IRF2: variants seen among roughly 807,000 people sequenced by gnomAD.
IRF2 encodes interferon regulatory factor 2.
A neutral mutation model predicts 40.6 loss-of-function variants in IRF2; 15 were observed. The ratio of observed to expected loss-of-function variants is 0.37; its 90% CI spans 0.25 to 0.57. The LOEUF (loss-of-function observed/expected upper bound fraction) is 0.57. Ranked by LOEUF, IRF2 falls within the 20% of genes least tolerant of loss-of-function variation. The probability of loss-of-function intolerance (pLI) is 0.77; values close to 1 mark genes in which losing one functional copy is unlikely to be tolerated. For missense variants in IRF2, 317 were observed against 455.7 expected (o/e 0.70, Z 2.77); for synonymous variants, 151 against 165.5 (o/e 0.91, Z 0.67).
chr4:184,442,496 C>A (rs748183791), intron 1 of IRF2, among the ~76,000 whole-genome samples: 9 of 152,162 alleles, frequency 5.9e-5, no homozygotes, highest in African/African-American at 2.2e-4. Flanking sequence ...GTGTGCCCTG[C>A]CCAGCCCATA....
At chr4:184,404,591 AT>A (rs1472244253) in intron 6 of IRF2, among the ~76,000 whole-genome samples, 1 of 152,170 alleles carries the variant, frequency 6.6e-6, no homozygotes, top group Non-Finnish European at 1.5e-5. Flanking sequence ...ATTTCAAAAG[AT>A]TAAGGAGTTT....
intron 6 of IRF2, 50 bp from the exon 7 acceptor site, chr4:184,399,129 T>C (rs1736577348): frequency 6.6e-7 from 1 of 1,515,914 alleles, no homozygotes; most frequent in Non-Finnish European, 8.8e-7. Context: ...CTCACAATTC[T>C]AGCACACTTT....
intron 7 of IRF2, among the ~76,000 whole-genome samples, chr4:184,394,634 T>C (rs1736379783): frequency 6.6e-6 from 1 of 152,138 alleles, no homozygotes; most frequent in Non-Finnish European, 1.5e-5. Context: ...GCAGGCGATC[T>C]CCACTCTCTC....
chr4:184,469,663 A>C (rs1739450766), intron 1 of IRF2, among the ~76,000 whole-genome samples: 1 of 152,216 alleles, frequency 6.6e-6, no homozygotes, highest in Non-Finnish European at 1.5e-5. Flanking sequence ...GGACAGAGTG[A>C]GACTTTGACT....
rs1031863127 is a variant in IRF2 at position 184,408,862 on chromosome 4, C to T, written c.412-587G>A. 6.6e-6 allele frequency among the ~76,000 whole-genome samples: 1 copy of T among 152,232 alleles called. No homozygotes were observed. Among genetic ancestry groups the T allele is most frequent in the Non-Finnish European group, 1.5e-5 (1 of 68,040 alleles). Reference sequence around the variant, plus strand: ...CCTGGCCTGAGTCCAGCCGGGCAACCCCACACCATGGGCTTTACATAAATG... The same window carrying T: ...CCTGGCCTGAGTCCAGCCGGGCAACTCCACACCATGGGCTTTACATAAATG... On this transcript the variant is annotated intron_variant, in intron 5 of 8. Coordinates refer to ENST00000393593, the MANE Select transcript of IRF2 (RefSeq NM_002199.4). This position sits in a 1 kb window ranked among gnomAD's most constrained non-coding sequence, Gnocchi z 4.9.
intron 5 of IRF2, among the ~76,000 whole-genome samples, chr4:184,411,576 ACGGAGCCAGCACCTCC>A (rs144504847): frequency 0.11 from 16,130 of 152,132 alleles, 1,050 homozygotes; most frequent in South Asian, 0.15. Flanking sequence ...GCACAGTAAA[ACGGAGCCAGCACCTCC>A]CGAAACACCT....
intron 1 of IRF2, among the ~76,000 whole-genome samples, chr4:184,447,166 GA>G (rs1196131995): frequency 6.6e-6 from 1 of 152,066 alleles, no homozygotes; most frequent in Non-Finnish European, 1.5e-5. Flanking sequence ...CTGGGGCAGG[GA>G]AAGCAAAAGA....
At chr4:184,396,532 C>G (rs1251773824) in intron 7 of IRF2, among the ~76,000 whole-genome samples, 1 of 151,466 alleles carries the variant, frequency 6.6e-6, no homozygotes, top group African/African-American at 2.4e-5. Flanking sequence ...CTCCTGGGCT[C>G]AAGGGGATGC....
chr4:184,465,715 G>T (rs1561131263), intron 1 of IRF2, among the ~76,000 whole-genome samples: 2 of 152,156 alleles, frequency 1.3e-5, no homozygotes, highest in Non-Finnish European at 2.9e-5. Flanking sequence ...GTCTGGATGT[G>T]CCGTAATTCG....
chr4:184,408,508 C>T lies in IRF2; in HGVS notation c.412-233G>A, dbSNP rs1055275735. On this transcript the variant is annotated intron_variant, in intron 5 of 8. Transcript: ENST00000393593. This position sits in a 1 kb window ranked among gnomAD's most constrained non-coding sequence, Gnocchi z 4.9. ...TTTTCCTTCAAGGAAACGGTACCGG[C>T]CCATCTGGCTTGCCTTTAGGAAATG... is the stretch of plus-strand genomic sequence containing the variant. Among the ~76,000 whole-genome samples the T allele has an allele frequency of 2.0e-5, 3 of 152,166 alleles. No homozygotes were observed. The highest frequency in any genetic ancestry group is 4.8e-5 in the African/African-American group (2 of 41,432).
chr4:184,473,890 G>A, intron 1 of IRF2: 1 of 151,324 alleles, frequency 6.6e-6, no homozygotes, highest in Non-Finnish European at 1.5e-5. Context: ...GGCGGTGGCT[G>A]CACACACACA....
At chr4:184,467,434 T>G (rs1385107926) in intron 1 of IRF2, among the ~76,000 whole-genome samples, 1 of 152,206 alleles carries the variant, frequency 6.6e-6, no homozygotes, top group Non-Finnish European at 1.5e-5. Flanking sequence ...ACCCATCATA[T>G]CTAGGTGTTA....
chr4:184,469,006 C>T (rs566340503), intron 1 of IRF2, among the ~76,000 whole-genome samples: 2 of 152,218 alleles, frequency 1.3e-5, no homozygotes, highest in South Asian at 2.1e-4. Context: ...CACCTTCCAC[C>T]GCAGAGCCTT....
intron 1 of IRF2, among the ~76,000 whole-genome samples, chr4:184,460,639 ACG>A (rs1561128332): frequency 7.0e-6 from 1 of 143,070 alleles, no homozygotes; most frequent in East Asian, 2.0e-4. Context: ...ACACGCATGC[ACG>A]CACACACACA....
intron 1 of IRF2, among the ~76,000 whole-genome samples, chr4:184,443,523 A>G (rs944923807): frequency 2.0e-5 from 3 of 152,136 alleles, no homozygotes; most frequent in African/African-American, 7.2e-5. Flanking sequence ...CTCCAGCTCC[A>G]TGCTTCTTAT....
At chr4:184,453,628 G>A (rs1277185810) in intron 1 of IRF2, among the ~76,000 whole-genome samples, 1 of 152,196 alleles carries the variant, frequency 6.6e-6, no homozygotes. Flanking sequence ...AGACCTCTCA[G>A]TCCTCTGATG....
intron 6 of IRF2, among the ~76,000 whole-genome samples, chr4:184,403,375 C>G (rs1736737473): frequency 6.6e-6 from 1 of 152,188 alleles, no homozygotes. Flanking sequence ...GAATAACAAA[C>G]TTACCTGCTA....
At chr4:184,432,989 G>T (rs567089654) in intron 1 of IRF2, among the ~76,000 whole-genome samples, 2 of 152,188 alleles carry the variant, frequency 1.3e-5, no homozygotes, top group Non-Finnish European at 1.5e-5. Context: ...AGAAGGGAGA[G>T]CTGCAAAGGC....
rs189583895 is a variant in IRF2 at position 184,400,344 on chromosome 4, T to C, written c.530-1265A>G. 2.0e-5 allele frequency among the ~76,000 whole-genome samples: 3 copies of C among 152,336 alleles called. No individual in the cohort carries two copies. The East Asian group carries it at 5.8e-4, about 29-fold the overall frequency. On this transcript the variant is annotated intron_variant, in intron 6 of 8. Coordinates refer to ENST00000393593, the MANE Select transcript of IRF2 (RefSeq NM_002199.4). ...AGACTTTTGGGGCTGGCTTTTTTTT[T>C]ACTCAGCATAATTCACCGCAGAGTC...
Sources: gnomAD v4.1 joint callset for allele counts (sites outside exome capture counted in the v4.1 genomes callset) on GRCh38, gnomAD v4.1.1 for gene constraint, Gnocchi (gnomAD v3.1) non-coding constraint, MANE v1.5 for transcripts, NCBI Gene and HGNC (gene_info 2026-07-23, HGNC 2026-07-21) for gene names.